Variants in LRRC20 observed in about 807,000 individuals in gnomAD.
The protein encoded by LRRC20 is leucine-rich repeat-containing protein 20.
Under a neutral mutation model 14.4 loss-of-function variants are expected in LRRC20, and 11 were observed. The observed-to-expected ratio is 0.77, with a 90% CI of 0.48 to 1.27. The LOEUF is 1.27. Among genes scored for constraint, LRRC20 ranks in the 50% most tolerant of loss-of-function variants. LRRC20 has a pLI of 0.00. For missense variants in LRRC20, 219 were observed against 251.2 expected (o/e 0.87, Z 0.87); for synonymous variants, 121 against 107.3 (o/e 1.13, Z -0.79).
At chr10:70,376,105 A>T (rs1422881182) in intron 2 of LRRC20, among the ~76,000 whole-genome samples, 1 of 152,122 alleles carries the variant, frequency 6.6e-6, no homozygotes, top group Non-Finnish European at 1.5e-5. Flanking sequence ...ATTCAACAAG[A>T]TAACATTCAG....
At chr10:70,329,257 G>A (rs1842442097) in intron 3 of LRRC20, among the ~76,000 whole-genome samples, 1 of 152,200 alleles carries the variant, frequency 6.6e-6, no homozygotes, top group Non-Finnish European at 1.5e-5. Flanking sequence ...AGATCGCTAG[G>A]AAGGCATTTG....
intron 4 of LRRC20, among the ~76,000 whole-genome samples, chr10:70,318,262 C>T (rs999689318): frequency 2.6e-5 from 4 of 152,136 alleles, no homozygotes; most frequent in African/African-American, 9.7e-5. Context: ...TTCCCCCTCC[C>T]AAGAGTTTCT....
In LRRC20 at chr10:70,320,104, G is replaced by A. The variant is rs571766641; in HGVS notation, c.400+3759C>T. ...TCCAGACTGAGAGCACGGGCCATGC[G>A]GGGCAGGTGAAGGGGAGGGATGAGA... On this transcript the variant is annotated intron_variant, in intron 4 of 4. Coordinates refer to ENST00000446961, the MANE Select transcript of LRRC20 (RefSeq NM_001278212.2). Among the ~76,000 whole-genome samples the A allele has an allele frequency of 1.1e-4, 16 of 152,304 alleles. No homozygotes were observed. In the South Asian group the frequency reaches 1.9e-3, roughly 18 times the overall value.
intron 2 of LRRC20, among the ~76,000 whole-genome samples, chr10:70,364,198 T>C (rs181063404): frequency 6.6e-6 from 1 of 152,288 alleles, no homozygotes; most frequent in African/African-American, 2.4e-5. Flanking sequence ...CCCTACCAGA[T>C]GCCGGCCTCA....
chr10:70,369,413 C>T (rs1183542913), intron 2 of LRRC20, among the ~76,000 whole-genome samples: 1 of 152,154 alleles, frequency 6.6e-6, no homozygotes, highest in Non-Finnish European at 1.5e-5. Flanking sequence ...CTCAGCCTAG[C>T]TCCAGCAGCT....
At chr10:70,379,625 A>C (rs1844635188) in intron 1 of LRRC20, among the ~76,000 whole-genome samples, 1 of 152,260 alleles carries the variant, frequency 6.6e-6, no homozygotes, top group Non-Finnish European at 1.5e-5. Context: ...TCTGAAGAAC[A>C]GCACTGAAGC....
chr10:70,377,694 G>T (rs1403130308), intron 1 of LRRC20, among the ~76,000 whole-genome samples: 1 of 152,216 alleles, frequency 6.6e-6, no homozygotes, highest in African/African-American at 2.4e-5. Flanking sequence ...GGGGCATGGG[G>T]ACAGTGCTAA....
intron 4 of LRRC20, among the ~76,000 whole-genome samples, chr10:70,310,940 G>A (rs1252985591): frequency 6.6e-6 from 1 of 152,056 alleles, no homozygotes; most frequent in Non-Finnish European, 1.5e-5. Flanking sequence ...AAATCATCAC[G>A]TCCCATCACC....
intron 2 of LRRC20, among the ~76,000 whole-genome samples, chr10:70,357,902 A>G (rs1843590461): frequency 6.6e-6 from 1 of 152,216 alleles, no homozygotes; most frequent in Admixed American, 6.5e-5. Context: ...AGCTGGTCCG[A>G]GTGGAGGAGG....
chr10:70,359,624 C>T (rs1394757087), intron 2 of LRRC20, among the ~76,000 whole-genome samples: 2 of 152,210 alleles, frequency 1.3e-5, no homozygotes, highest in Non-Finnish European at 2.9e-5. Flanking sequence ...CCAGCTCCCA[C>T]CTCCCTTTCT....
At chr10:70,303,742 C>T (rs1183106419) in intron 4 of LRRC20, among the ~76,000 whole-genome samples, 1 of 152,180 alleles carries the variant, frequency 6.6e-6, no homozygotes, top group Admixed American at 6.5e-5. Context: ...TTTAAGACAG[C>T]CCTAAGCTGA....
chr10:70,351,685 A>G (rs1273545376), intron 2 of LRRC20, among the ~76,000 whole-genome samples: 1 of 152,252 alleles, frequency 6.6e-6, no homozygotes, highest in Non-Finnish European at 1.5e-5. Context: ...CAAACATTGC[A>G]TAAGTAGCCA....
chr10:70,307,014 C>T (rs1303180126), intron 4 of LRRC20, among the ~76,000 whole-genome samples: 1 of 152,228 alleles, frequency 6.6e-6, no homozygotes, highest in Non-Finnish European at 1.5e-5. Context: ...TTTGACATGG[C>T]TCCAGCACTT....
chr10:70,341,793 A>T (rs1842924135), intron 2 of LRRC20, among the ~76,000 whole-genome samples: 2 of 152,172 alleles, frequency 1.3e-5, no homozygotes, highest in African/African-American at 4.8e-5. Context: ...TTTAAAAAAG[A>T]AATGAAGTAC....
At chr10:70,302,595 T>C (rs1190186005) in intron 4 of LRRC20, among the ~76,000 whole-genome samples, 1 of 152,022 alleles carries the variant, frequency 6.6e-6, no homozygotes, top group Non-Finnish European at 1.5e-5. Context: ...TGCTTAAAAA[T>C]GGTTAAAATC....
chr10:70,377,930 C>T (rs918627604), intron 1 of LRRC20, among the ~76,000 whole-genome samples: 3 of 152,210 alleles, frequency 2.0e-5, no homozygotes, highest in Admixed American at 6.5e-5. Flanking sequence ...ATGCTCAACA[C>T]CCCCATTTAT....
At chr10:70,316,990 G>A (rs1440234664) in intron 4 of LRRC20, among the ~76,000 whole-genome samples, 1 of 152,254 alleles carries the variant, frequency 6.6e-6, no homozygotes, top group Admixed American at 6.5e-5. Context: ...GCGCATAGAG[G>A]TCAGGGCAAG....
At chr10:70,353,177 C>T (rs901370169) in intron 2 of LRRC20, among the ~76,000 whole-genome samples, 1 of 152,144 alleles carries the variant, frequency 6.6e-6, no homozygotes, top group African/African-American at 2.4e-5. Flanking sequence ...TTCCTCACAA[C>T]CACCCTATAA....
chr10:70,381,133 T>C (rs1308530241), intron 1 of LRRC20, among the ~76,000 whole-genome samples: 1 of 152,218 alleles, frequency 6.6e-6, no homozygotes, highest in Non-Finnish European at 1.5e-5. Flanking sequence ...GCCTAATCCA[T>C]AGTTTTGCAA....
Sources: allele counts gnomAD v4.1 joint callset (sites outside exome capture counted in the v4.1 genomes callset), GRCh38; gene constraint gnomAD v4.1.1; transcripts MANE v1.5; gene names NCBI Gene and HGNC (gene_info 2026-07-23, HGNC 2026-07-21).